The following RBBP7 variants were observed in gnomAD, a reference collection of about 807,000 sequenced individuals.
RBBP7 encodes the protein RB binding protein 7, chromatin remodeling factor, also known as histone-binding protein RBBP7.
In RBBP7, 5 loss-of-function variants were observed where a neutral mutation model predicts 35.2. The ratio of observed to expected loss-of-function variants is 0.14; its 90% CI spans 0.07 to 0.30. RBBP7 has a LOEUF of 0.30. RBBP7 is among the 10% of genes least tolerant of loss of function. The pLI is 1.00. For synonymous variants in RBBP7, 140 were observed against 118.7 expected (o/e 1.18, Z -1.17); for missense variants, 155 against 327.5 (o/e 0.47, Z 4.07).
chrX:16,855,117 T>C (rs1460735920), intron 5 of RBBP7, among the ~76,000 whole-genome samples: 2 of 109,291 alleles, frequency 1.8e-5, no homozygotes, highest in Non-Finnish European at 3.8e-5. Context: ...GGGCACAATT[T>C]TGGCGCACTA....
chrX:16,870,332 T>G lies in RBBP7; in HGVS notation c.-279A>C. 1 of 188,925 alleles carries G rather than the reference T, an allele frequency of 5.3e-6. No homozygotes were observed. The highest frequency in any genetic ancestry group is 9.1e-6 in the Non-Finnish European group (1 of 110,328). 15.6% of individuals were successfully genotyped at this position (188,925 alleles called of 1,213,427 possible). ...GCGCCTCCCAGCCCGCCCAGGCAGC[T>G]GAGCGCAGGCGCATCCGCCCTGGGA... On this transcript the variant is annotated 5_prime_UTR_variant, in exon 1 of 12. Transcript: ENST00000380087.
Position 16,870,303 on chromosome X carries a change from A to G in RBBP7, c.-250T>C. The G allele has an allele frequency of 3.9e-6, 1 of 258,558 alleles. No individual in the cohort carries two copies. The highest frequency in any genetic ancestry group is 5.8e-6 in the Non-Finnish European group (1 of 173,078). The allele number at this position is 258,558 out of a possible 1,213,427, so 21.3% of individuals were successfully genotyped here. A position where few individuals can be genotyped will look rare whatever the true frequency, so the allele number is the denominator to read the frequency against. On this transcript the variant is annotated 5_prime_UTR_variant, in exon 1 of 12. Coordinates refer to ENST00000380087, the MANE Select transcript of RBBP7 (RefSeq NM_002893.4). ...TCCAAACTTGGAACGAGACTTTTCAACCCGCGCCTCCCAGCCCGCCCAGGC... is the reference window on the plus strand; with the variant it reads ...TCCAAACTTGGAACGAGACTTTTCAGCCCGCGCCTCCCAGCCCGCCCAGGC...
At chrX:16,860,686 AAAAAAAAAAAG>A (rs1382210050) in intron 3 of RBBP7, among the ~76,000 whole-genome samples, 4 of 104,297 alleles carry the variant, frequency 3.8e-5, no homozygotes, top group Non-Finnish European at 5.9e-5. Context: ...AAAAAAAAAG[AAAAAAAAAAAG>A]AAAAAAAAAA....
chrX:16,866,554 A>AAAAGAAAGAAAGAAAG (rs1236483259), intron 2 of RBBP7, among the ~76,000 whole-genome samples: 1 of 57,674 alleles, frequency 1.7e-5, no homozygotes, highest in African/African-American at 7.5e-5. Flanking sequence ...AAAAAAAAAA[A>AAAAGAAAGAAAGAAAG]AAAGAAAGAA....
At chrX:16,849,406 C>G (rs1378856172) in intron 9 of RBBP7, 105 bp from the exon 10 acceptor site, 1 of 702,100 alleles carries the variant, frequency 1.4e-6, no homozygotes, top group African/African-American at 2.2e-5. Flanking sequence ...CATAAACACA[C>G]TCACAAAAAC....
chrX:16,866,203 C>T (rs971360511), intron 2 of RBBP7, among the ~76,000 whole-genome samples: 8 of 111,448 alleles, frequency 7.2e-5, no homozygotes, highest in African/African-American at 9.8e-5. Context: ...TATGAAATAA[C>T]TATCTAATTA....
rs1930243040 is a variant in RBBP7 at position 16,852,835 on chromosome X, A to G, written c.799T>C (p.Leu267=). ...ACTTCGGCAGTGTGCGCATCCACCA[A>G]GTGACTCGGCTTGGAGGTGGTATTG... ...RSNTTSKPSH[L]VDAHTAEVNC... Residue 267 remains leucine, a synonymous_variant, in exon 7 of 12, where the codon TTG becomes CTG. Coordinates refer to ENST00000380087, the MANE Select transcript of RBBP7 (RefSeq NM_002893.4). The G allele has an allele frequency of 8.3e-7, 1 of 1,211,941 alleles. No individual in the cohort carries two copies. Among genetic ancestry groups the G allele is most frequent in the Non-Finnish European group, 1.1e-6 (1 of 895,587 alleles).
chrX:16,858,289 A>G (rs1376972130), intron 4 of RBBP7, among the ~76,000 whole-genome samples: 1 of 111,998 alleles, frequency 8.9e-6, no homozygotes, highest in Admixed American at 9.5e-5. Context: ...CAAAAATCCC[A>G]GATTCTGAAA....
At chrX:16,853,568 C>T in intron 6 of RBBP7, 114 bp downstream of exon 6, 1 of 685,886 alleles carries the variant, frequency 1.5e-6, no homozygotes, top group Non-Finnish European at 2.0e-6. Context: ...CTACCTAAAG[C>T]TGTTTTTTAA....
intron 2 of RBBP7, 67 bp downstream of exon 2, chrX:16,869,009 G>C: frequency 3.6e-6 from 4 of 1,126,572 alleles, no homozygotes; most frequent in Non-Finnish European, 4.8e-6. Context: ...TGCATAAAAC[G>C]CCAAAACTAG....
chrX:16,861,493 G>A (rs1393341557), intron 3 of RBBP7, among the ~76,000 whole-genome samples: 2 of 111,055 alleles, frequency 1.8e-5, no homozygotes, highest in East Asian at 2.8e-4. Context: ...ACAGGCATGC[G>A]CCACCACACA....
At chrX:16,864,542 A>AAAAAAGAAAG (rs1930558339) in intron 2 of RBBP7, among the ~76,000 whole-genome samples, 1 of 40,711 alleles carries the variant, frequency 2.5e-5, no homozygotes, top group African/African-American at 1.1e-4. Context: ...AAAAAAAAAA[A>AAAAAAGAAAG]AAAAAGAAAA....
chrX:16,856,626 C>G (rs1185902737), intron 5 of RBBP7, among the ~76,000 whole-genome samples: 27 of 111,389 alleles, frequency 2.4e-4, no homozygotes, highest in Admixed American at 2.3e-3. Flanking sequence ...GGAAATACCA[C>G]TTTATGCACA....
intron 10 of RBBP7, chrX:16,848,363 T>C (rs756116604): frequency 1.8e-5 from 2 of 112,205 alleles, no homozygotes; most frequent in East Asian, 5.6e-4. Flanking sequence ...ATGTAAATTA[T>C]ATCTCAGTAA....
Position 16,853,665 on chromosome X carries a change from T to C in RBBP7, c.758+17A>G. On this transcript the variant is annotated intron_variant, in intron 6 of 11. Transcript: ENST00000380087. ...GGTCACCCATTTAACAAGATCCCAC[T>C]GAATTTTCCACCTTACATCATAAGT... 1 of 1,106,313 alleles carries C rather than the reference T, an allele frequency of 9.0e-7. No individual in the cohort carries two copies. Among genetic ancestry groups the C allele is most frequent in the East Asian group, 3.4e-5 (1 of 29,247 alleles). 91.2% of individuals were successfully genotyped at this position (1,106,313 alleles called of 1,213,427 possible). A position where few individuals can be genotyped will look rare whatever the true frequency, so the allele number is the denominator to read the frequency against.
intron 3 of RBBP7, 78 bp from the exon 4 acceptor site, chrX:16,858,927 C>A: frequency 8.7e-7 from 1 of 1,143,672 alleles, no homozygotes; most frequent in Non-Finnish European, 1.2e-6. Context: ...ATCAACCTAA[C>A]AGATTTTGAC....
At chrX:16,858,584 T>C in intron 4 of RBBP7, 92 bp downstream of exon 4, 3 of 1,105,440 alleles carry the variant, frequency 2.7e-6, no homozygotes, top group African/African-American at 3.7e-5. Context: ...AACCTTTAAA[T>C]ATTATAAAGT....
At chrX:16,869,811 G>A (rs1930731576) in intron 1 of RBBP7, 4 of 917,523 alleles carry the variant, frequency 4.4e-6, no homozygotes, top group South Asian at 5.8e-5. Flanking sequence ...GGGAAGGGAA[G>A]AGGGGGGCCC....
chrX:16,863,211 C>A, intron 2 of RBBP7, 111 bp from the exon 3 acceptor site: 1 of 758,712 alleles, frequency 1.3e-6, no homozygotes. Flanking sequence ...CAAATATATA[C>A]TTAGCATCAA....
Sources: allele counts gnomAD v4.1 joint callset (sites outside exome capture counted in the v4.1 genomes callset), GRCh38; gene constraint gnomAD v4.1.1; transcripts MANE v1.5; gene names NCBI Gene and HGNC (gene_info 2026-07-23, HGNC 2026-07-21).